Variants in ZFHX3 observed in about 807,000 individuals in gnomAD.
ZFHX3 encodes the protein zinc finger homeobox protein 3.
A neutral mutation model predicts 279.1 loss-of-function variants in ZFHX3; 42 were observed. That is an observed-to-expected ratio of 0.15 (90% CI 0.12 to 0.19). The LOEUF is 0.19. ZFHX3 is among the 10% of genes least tolerant of loss of function. ZFHX3 has a pLI of 1.00. For synonymous variants in ZFHX3, 2,293 were observed against 1,957.8 expected (o/e 1.17, Z -4.52); for missense variants, 4,981 against 4,754.0 (o/e 1.05, Z -1.40).
intron 1 of ZFHX3, among the ~76,000 whole-genome samples, chr16:73,728,226 A>C (rs1201537997): frequency 6.6e-6 from 1 of 152,174 alleles, no homozygotes; most frequent in Non-Finnish European, 1.5e-5. Flanking sequence ...AGGGATGGGC[A>C]TAGACAGAGG....
chr16:73,613,988 G>T (rs2052273830), intron 2 of ZFHX3, among the ~76,000 whole-genome samples: 1 of 152,160 alleles, frequency 6.6e-6, no homozygotes, highest in South Asian at 2.1e-4. Flanking sequence ...TAGATCCAAA[G>T]ATCAAGCAAT....
chr16:73,816,845 C>G (rs1292271964), intron 1 of ZFHX3, among the ~76,000 whole-genome samples: 1 of 152,210 alleles, frequency 6.6e-6, no homozygotes, highest in African/African-American at 2.4e-5. Context: ...ACCCAGACAA[C>G]TGGACTTGAC....
chr16:73,045,760 T>A (rs1965272735), intron 1 of ZFHX3, among the ~76,000 whole-genome samples: 1 of 138,410 alleles, frequency 7.2e-6, no homozygotes, highest in Non-Finnish European at 1.5e-5. Flanking sequence ...AAACAGTAGC[T>A]CTATTTCATA....
chr16:73,476,129 T>G (rs2086282465), intron 2 of ZFHX3, among the ~76,000 whole-genome samples: 1 of 152,204 alleles, frequency 6.6e-6, no homozygotes, highest in Non-Finnish European at 1.5e-5. Context: ...TTTGCAAGCT[T>G]CATTTTCAAC....
intron 8 of ZFHX3, among the ~76,000 whole-genome samples, chr16:73,068,270 T>A (rs1965779737): frequency 6.6e-6 from 1 of 152,142 alleles, no homozygotes; most frequent in Non-Finnish European, 1.5e-5. Context: ...ACCAGTTGCC[T>A]CTCATCAAGG....
chr16:73,215,644 A>G (rs1597224520), intron 5 of ZFHX3, among the ~76,000 whole-genome samples: 1 of 152,056 alleles, frequency 6.6e-6, no homozygotes, highest in Non-Finnish European at 1.5e-5. Flanking sequence ...ACGTATCACA[A>G]ACTGCTGTGT....
intron 5 of ZFHX3, among the ~76,000 whole-genome samples, chr16:73,157,598 T>C (rs956650988): frequency 6.6e-6 from 1 of 152,152 alleles, no homozygotes; most frequent in African/African-American, 2.4e-5. Flanking sequence ...TGTTTCCAAT[T>C]TGGCTTAATT....
At chr16:73,706,177 G>A (rs954204978) in intron 1 of ZFHX3, among the ~76,000 whole-genome samples, 3 of 152,060 alleles carry the variant, frequency 2.0e-5, no homozygotes, top group East Asian at 3.9e-4. Context: ...GAAAGAAATC[G>A]TTGTTGGGTG....
intron 2 of ZFHX3, among the ~76,000 whole-genome samples, chr16:73,583,644 G>T (rs2051885018): frequency 6.6e-6 from 1 of 152,196 alleles, no homozygotes; most frequent in Non-Finnish European, 1.5e-5. Flanking sequence ...GCAAATCCCA[G>T]AAATTAATGC....
At chr16:72,900,688 G>A (rs2039012841) in intron 3 of ZFHX3, among the ~76,000 whole-genome samples, 1 of 152,204 alleles carries the variant, frequency 6.6e-6, no homozygotes, top group African/African-American at 2.4e-5. Flanking sequence ...GCACCTGGGA[G>A]GCATGCTACG....
intron 1 of ZFHX3, among the ~76,000 whole-genome samples, chr16:73,794,760 C>G (rs998890492): frequency 1.3e-5 from 2 of 152,140 alleles, no homozygotes; most frequent in African/African-American, 4.8e-5. Context: ...AAAGGGCTAT[C>G]GATTAGACGC....
intron 8 of ZFHX3, among the ~76,000 whole-genome samples, chr16:73,083,824 C>A (rs780227751): frequency 6.6e-6 from 1 of 152,132 alleles, no homozygotes; most frequent in Non-Finnish European, 1.5e-5. Context: ...CCACCATGCC[C>A]GGCCTTTCCT....
At chr16:73,411,095 A>C (rs1405613940) in intron 3 of ZFHX3, among the ~76,000 whole-genome samples, 4 of 152,246 alleles carry the variant, frequency 2.6e-5, no homozygotes, top group Non-Finnish European at 5.9e-5. Flanking sequence ...CCAACTGGAC[A>C]GCTTTCATGC....
intron 1 of ZFHX3, among the ~76,000 whole-genome samples, chr16:73,690,717 G>C (rs1299287864): frequency 1.3e-5 from 2 of 152,190 alleles, no homozygotes; most frequent in African/African-American, 2.4e-5. Context: ...TTTGGCTGCT[G>C]TGGGAATCCT....
chr16:72,927,735 G>A (rs960726752), intron 3 of ZFHX3, among the ~76,000 whole-genome samples: 1 of 151,988 alleles, frequency 6.6e-6, no homozygotes, highest in Non-Finnish European at 1.5e-5. Context: ...TCCCAGCATT[G>A]TGCTCCCTCC....
intron 5 of ZFHX3, among the ~76,000 whole-genome samples, chr16:73,254,903 TCCATCCATCCATCCATCCACCCACCCA>T (rs960501098): frequency 2.1e-4 from 31 of 148,658 alleles, no homozygotes; most frequent in Admixed American, 2.0e-3. Flanking sequence ...TATCTATCCA[TCCATCCATCCATCCATCCACCCACCCA>T]CCATCCATCC....
At chr16:73,238,687 C>A (rs2013027911) in intron 5 of ZFHX3, among the ~76,000 whole-genome samples, 1 of 152,144 alleles carries the variant, frequency 6.6e-6, no homozygotes, top group Non-Finnish European at 1.5e-5. Flanking sequence ...ATCCCACCTT[C>A]TTACATGGCC....
chr16:73,819,696 G>C (rs898051140), intron 1 of ZFHX3, among the ~76,000 whole-genome samples: 2 of 152,292 alleles, frequency 1.3e-5, no homozygotes, highest in East Asian at 1.9e-4. Context: ...CATAAGGCAA[G>C]AGTAGGATGG....
intron 1 of ZFHX3, among the ~76,000 whole-genome samples, chr16:73,838,249 C>T (rs979453942): frequency 1.1e-4 from 16 of 152,152 alleles, no homozygotes; most frequent in Non-Finnish European, 1.8e-4. Context: ...ATGCTGTGGC[C>T]AGAGCTGTAG....
Sources: gnomAD v4.1 joint callset for allele counts (sites outside exome capture counted in the v4.1 genomes callset) on GRCh38, gnomAD v4.1.1 for gene constraint, MANE v1.5 for transcripts, NCBI Gene and HGNC (gene_info 2026-07-23, HGNC 2026-07-21) for gene names.